The following JAK2 variants were observed in gnomAD, a reference collection of about 807,000 sequenced individuals.
JAK2 encodes the protein tyrosine-protein kinase JAK2.
A neutral mutation model predicts 139.3 loss-of-function variants in JAK2; 86 were observed. The ratio of observed to expected loss-of-function variants is 0.62; its 90% CI spans 0.52 to 0.74. The LOEUF (loss-of-function observed/expected upper bound fraction) is 0.74. Among genes scored for constraint, JAK2 ranks in the 30% least tolerant of loss-of-function variants. The probability of loss-of-function intolerance (pLI) is 0.00; values close to 1 mark genes in which losing one functional copy is unlikely to be tolerated. For synonymous variants in JAK2, 490 were observed against 437.7 expected, an observed-to-expected ratio of 1.12 and a Z score of -1.49; for missense variants, 1,421 against 1,360.3, an observed-to-expected ratio of 1.04 and a Z score of -0.70.
At chr9:5,111,505 C>G in intron 22 of JAK2, 2 of 367,670 alleles carry the variant, frequency 5.4e-6, no homozygotes, top group South Asian at 2.1e-5. Context: ...ATGCCGCCGC[C>G]TATCCATCCG....
At chr9:5,074,695 A>G (rs539068752) in intron 14 of JAK2, among the ~76,000 whole-genome samples, 7 of 152,312 alleles carry the variant, frequency 4.6e-5, no homozygotes, top group South Asian at 4.1e-4. Flanking sequence ...TAATCACACA[A>G]TGGTCTTTAA....
chr9:5,072,417 A>G (rs1287684687), intron 12 of JAK2, 75 bp from the exon 13 acceptor site: 26 of 1,125,776 alleles, frequency 2.3e-5, no homozygotes, highest in Admixed American at 8.4e-5. Flanking sequence ...ATTCTTCCTC[A>G]TTGAATGTAT....
chr9:5,021,520 G>A (rs149435341), intron 2 of JAK2, among the ~76,000 whole-genome samples: 195 of 152,346 alleles, frequency 1.3e-3, no homozygotes, highest in Non-Finnish European at 2.4e-3. Flanking sequence ...AGTAATACAC[G>A]ATATTTATCC....
rs1367851065 is a variant in JAK2, at chr9:5,126,763, A to C, written c.3371A>C (p.Asp1124Ala). The C allele has an allele frequency of 5.0e-6, 8 of 1,609,354 alleles. No homozygotes were observed. Among genetic ancestry groups the C allele is most frequent in the Non-Finnish European group, 6.8e-6 (8 of 1,176,372 alleles). ...PSFRDLALRV[D>A]QIRDNMAG ...TTTAGGGATCTAGCTCTTCGAGTGGATCAAATAAGGGATAACATGGCTGGA... is the reference window on the plus strand; with the variant it reads ...TTTAGGGATCTAGCTCTTCGAGTGGCTCAAATAAGGGATAACATGGCTGGA... The change falls in exon 25 of 25, where the codon GAT becomes GCT. Residue 1124 changes from aspartate (D) to alanine (A), a missense_variant. Transcript: ENST00000381652.
At chr9:5,049,117 C>T (rs543558738) in intron 5 of JAK2, among the ~76,000 whole-genome samples, 6 of 152,254 alleles carry the variant, frequency 3.9e-5, no homozygotes, top group African/African-American at 1.4e-4. Context: ...CTTTTAGTAT[C>T]TTCTGTTTCC....
At position 5,018,964 on chromosome 9, in the gene JAK2, G is replaced by A. The variant is rs1021844577; in HGVS notation, c.-25-2999G>A. On this transcript the variant is annotated intron_variant, in intron 2 of 24. Transcript: ENST00000381652. Reference sequence around the variant, plus strand: ...ATTCTCTCTTTGTCTTTGACAAGCTGTTGTCTCTGACAACAGTTCTCTCTT... The same window carrying A: ...ATTCTCTCTTTGTCTTTGACAAGCTATTGTCTCTGACAACAGTTCTCTCTT... 7.2e-5 allele frequency among the ~76,000 whole-genome samples: 11 copies of A among 152,130 alleles called. No individual in the cohort carries two copies. In the South Asian group the frequency reaches 2.3e-3, roughly 32 times the overall value.
At chr9:5,014,779 A>C (rs1227430683) in intron 2 of JAK2, among the ~76,000 whole-genome samples, 1 of 152,230 alleles carries the variant, frequency 6.6e-6, no homozygotes, top group African/African-American at 2.4e-5. Flanking sequence ...TTAAACACCC[A>C]TGAAACTACC....
At chr9:5,028,970 A>G (rs1405726740) in intron 3 of JAK2, among the ~76,000 whole-genome samples, 1 of 152,218 alleles carries the variant, frequency 6.6e-6, no homozygotes, top group Non-Finnish European at 1.5e-5. Context: ...CTGCAGTCGC[A>G]TTTTTAATTT....
chr9:5,114,701 C>T, intron 22 of JAK2: 1 of 406,442 alleles, frequency 2.5e-6, no homozygotes, highest in Non-Finnish European at 4.8e-6. Flanking sequence ...TGGAGGTTAC[C>T]AGGGCTGAAT....
chr9:5,058,132 G>A (rs921089979), intron 8 of JAK2, among the ~76,000 whole-genome samples: 1 of 152,138 alleles, frequency 6.6e-6, no homozygotes, highest in Non-Finnish European at 1.5e-5. Context: ...ACAATTGTGA[G>A]TAATGCTGCT....
chr9:5,088,096 T>C (rs1820274705), intron 19 of JAK2, among the ~76,000 whole-genome samples: 2 of 152,352 alleles, frequency 1.3e-5, no homozygotes, highest in African/African-American at 2.4e-5. Flanking sequence ...CCTCATGAGA[T>C]AGACATTTTA....
chr9:5,111,943 A>C (rs961115093), intron 22 of JAK2: 1 of 345,060 alleles, frequency 2.9e-6, no homozygotes, highest in East Asian at 8.4e-5. Flanking sequence ...CACTCAAGCA[A>C]TAACTTGTGG....
Position 5,029,909 on chromosome 9 carries a change from A to G in JAK2, c.350+3A>G. On this transcript the variant is annotated splice_donor_region_variant and intron_variant, in intron 4 of 24. Transcript: ENST00000381652. ...CATAATGTACTCTACAGAATAAGGTACTTTCTTCAGTAAAGTAACTCACTT... is the reference window on the plus strand; with the variant it reads ...CATAATGTACTCTACAGAATAAGGTGCTTTCTTCAGTAAAGTAACTCACTT... 6.3e-7 allele frequency: 1 copy of G among 1,577,156 alleles called. No homozygotes were observed. The highest frequency in any genetic ancestry group is 8.6e-7 in the Non-Finnish European group (1 of 1,167,472).
At chr9:5,098,122 A>G (rs940744918) in intron 22 of JAK2, 1 of 152,150 alleles carries the variant, frequency 6.6e-6, no homozygotes, top group Non-Finnish European at 1.5e-5. Context: ...TTGAACAACC[A>G]TCTAGTAATT....
chr9:4,994,391 G>A (rs760792415), intron 2 of JAK2, among the ~76,000 whole-genome samples: 1 of 152,130 alleles, frequency 6.6e-6, no homozygotes, highest in Non-Finnish European at 1.5e-5. Flanking sequence ...ATTGCCGCTG[G>A]GCCCCACCCC....
At chr9:5,033,628 T>G (rs902469308) in intron 4 of JAK2, among the ~76,000 whole-genome samples, 2 of 152,136 alleles carry the variant, frequency 1.3e-5, no homozygotes, top group African/African-American at 4.8e-5. Flanking sequence ...GAATGTCATA[T>G]CCAGCCAAAC....
chr9:5,051,668 C>T (rs943774050), intron 6 of JAK2, among the ~76,000 whole-genome samples: 4 of 152,068 alleles, frequency 2.6e-5, no homozygotes, highest in Non-Finnish European at 5.9e-5. Context: ...AGTTTGAAGG[C>T]AAATATGTAT....
intron 2 of JAK2, among the ~76,000 whole-genome samples, chr9:4,988,458 G>C (rs756022428): frequency 2.0e-5 from 3 of 152,206 alleles, no homozygotes; most frequent in Non-Finnish European, 4.4e-5. Flanking sequence ...AAGTTGTAAG[G>C]ACATAACTAC....
chr9:5,023,870 T>C (rs541353517), intron 3 of JAK2, among the ~76,000 whole-genome samples: 1 of 150,252 alleles, frequency 6.7e-6, no homozygotes, highest in East Asian at 1.9e-4. Flanking sequence ...TCCTTTAGCT[T>C]ATAGTAAGAT....
Sources: gnomAD v4.1 joint callset for allele counts (sites outside exome capture counted in the v4.1 genomes callset) on GRCh38, gnomAD v4.1.1 for gene constraint, MANE v1.5 for transcripts, NCBI Gene and HGNC (gene_info 2026-07-23, HGNC 2026-07-21) for gene names.